NRG3: variants seen among roughly 807,000 people sequenced by gnomAD.
NRG3 encodes neuregulin 3.
NRG3 carries 31 observed loss-of-function variants against 66.9 expected under a neutral mutation model. That is an observed-to-expected ratio of 0.46 (90% confidence interval 0.35 to 0.63). The LOEUF (loss-of-function observed/expected upper bound fraction) is 0.63. Ranked by LOEUF, NRG3 falls within the 20% of genes least tolerant of loss-of-function variation. NRG3 has a pLI of 0.00. For missense variants in NRG3, 910 were observed against 878.9 expected (o/e 1.04, Z -0.45); for synonymous variants, 393 against 359.4 (o/e 1.09, Z -1.06).
At chr10:82,927,028 A>T (rs1847071550) in intron 4 of NRG3, among the ~76,000 whole-genome samples, 2 of 152,106 alleles carry the variant, frequency 1.3e-5, no homozygotes, top group South Asian at 4.1e-4. Context: ...CAGCACCATC[A>T]CTACTTGAGC....
intron 1 of NRG3, among the ~76,000 whole-genome samples, chr10:82,196,407 A>G (rs2074451000): frequency 6.6e-6 from 1 of 152,124 alleles, no homozygotes; most frequent in Non-Finnish European, 1.5e-5. Flanking sequence ...GATGATTCTA[A>G]TACTCTTTTG....
chr10:82,291,233 G>A (rs905580767), intron 1 of NRG3, among the ~76,000 whole-genome samples: 1 of 151,982 alleles, frequency 6.6e-6, no homozygotes, highest in African/African-American at 2.4e-5. Context: ...AATTAAAAAT[G>A]CAATAGTATT....
chr10:82,378,279 G>A (rs185970006), intron 2 of NRG3, among the ~76,000 whole-genome samples: 42 of 152,282 alleles, frequency 2.8e-4, no homozygotes, highest in Non-Finnish European at 5.4e-4. Flanking sequence ...AGTGAAATAC[G>A]TCTGTGGGAG....
At position 82,985,355 on chromosome 10, in the gene NRG3, T is replaced by G; in HGVS notation, c.1841T>G (p.Ile614Ser). ...SYSADVVNVS[I>S]PVSDCLIAEQ... ...TCAGCTGACGTTGTCAATGTGAGTA[T>G]TCCAGTCAGCGATTGTCTTATAGCA... Residue 614 changes from isoleucine (I) to serine (S), a missense_variant, in exon 9 of 9, where the codon ATT (isoleucine) becomes AGT (serine). Ile to Ser is a moderately radical substitution (Grantham distance 142). Coordinates refer to ENST00000372141, the MANE Select transcript of NRG3 (RefSeq NM_001010848.4). 6.2e-7 allele frequency: 1 copy of G among 1,614,150 alleles called. No individual in the cohort carries two copies. Among genetic ancestry groups the G allele is most frequent in the East Asian group, 2.2e-5 (1 of 44,870 alleles).
In NRG3 at chr10:82,976,116, T is replaced by A. The variant is rs140811678; in HGVS notation, c.1412+2201T>A. Among the ~76,000 whole-genome samples the A allele has an allele frequency of 3.8e-3, 582 of 152,156 alleles. 5 individuals carry two copies. Among genetic ancestry groups the A allele is most frequent in the African/African-American group, 0.014 (562 of 41,514 alleles). On this transcript the variant is annotated intron_variant, in intron 7 of 8. Transcript: ENST00000372141. ...TGTCACCCAGGCTGGAGTGCAGTGG[T>A]GTGATCTTGGCTCACTGCAACCTCC... is the stretch of plus-strand genomic sequence containing the variant.
At chr10:82,597,875 C>T (rs1480131068) in intron 2 of NRG3, among the ~76,000 whole-genome samples, 1 of 150,222 alleles carries the variant, frequency 6.7e-6, no homozygotes, top group Non-Finnish European at 1.5e-5. Flanking sequence ...GAGCCGAGAT[C>T]GCGCCATTGC....
chr10:82,303,402 A>G (rs1032351312), intron 1 of NRG3, among the ~76,000 whole-genome samples: 3 of 151,910 alleles, frequency 2.0e-5, no homozygotes, highest in East Asian at 1.9e-4. Context: ...ATCCTCTCCA[A>G]TTCATCTGAG....
At chr10:82,274,493 A>C (rs961808691) in intron 1 of NRG3, among the ~76,000 whole-genome samples, 17 of 152,056 alleles carry the variant, frequency 1.1e-4, no homozygotes, top group Non-Finnish European at 5.9e-5. Context: ...AAATGAATGA[A>C]AATTGCTATA....
At chr10:82,592,322 G>T (rs957148913) in intron 2 of NRG3, among the ~76,000 whole-genome samples, 1 of 152,104 alleles carries the variant, frequency 6.6e-6, no homozygotes, top group African/African-American at 2.4e-5. Flanking sequence ...AGTCCAATCG[G>T]CTAAAAGAAG....
intron 3 of NRG3, among the ~76,000 whole-genome samples, chr10:82,828,231 A>G (rs544711755): frequency 6.6e-6 from 1 of 152,198 alleles, no homozygotes; most frequent in Non-Finnish European, 1.5e-5. Flanking sequence ...TTATAAAAAA[A>G]ACTTCTGCTA....
intron 2 of NRG3, among the ~76,000 whole-genome samples, chr10:82,397,263 T>C (rs995427240): frequency 6.6e-6 from 1 of 152,218 alleles, no homozygotes; most frequent in Non-Finnish European, 1.5e-5. Context: ...TAATATTGTA[T>C]AATCTGGTTT....
At chr10:82,867,517 G>T (rs925008692) in intron 4 of NRG3, among the ~76,000 whole-genome samples, 1 of 152,144 alleles carries the variant, frequency 6.6e-6, no homozygotes, top group African/African-American at 2.4e-5. Context: ...AAAGGAACAG[G>T]ATTTTTCATA....
At chr10:82,166,551 C>T (rs574817472) in intron 1 of NRG3, among the ~76,000 whole-genome samples, 1 of 151,470 alleles carries the variant, frequency 6.6e-6, no homozygotes, top group Non-Finnish European at 1.5e-5. Flanking sequence ...TCACTTTTGC[C>T]CATATTATAA....
intron 1 of NRG3, among the ~76,000 whole-genome samples, chr10:82,011,172 T>C (rs12783130): frequency 0.18 from 27,080 of 152,080 alleles, 2,595 homozygotes; most frequent in Middle Eastern, 0.22. Flanking sequence ...TCCACATAGC[T>C]GGGGAGGCCT....
At chr10:82,957,630 A>G (rs2132426288) in intron 5 of NRG3, among the ~76,000 whole-genome samples, 2 of 152,004 alleles carry the variant, frequency 1.3e-5, no homozygotes, top group East Asian at 1.9e-4. Context: ...TTGCAGCCTT[A>G]CATGCACGAA....
chr10:82,957,252 C>T (rs1439128571), intron 5 of NRG3, among the ~76,000 whole-genome samples: 1 of 151,838 alleles, frequency 6.6e-6, no homozygotes, highest in African/African-American at 2.4e-5. Flanking sequence ...GAAATGGAGG[C>T]TCAACAAGTT....
chr10:82,042,972 A>C (rs1226940891), intron 1 of NRG3, among the ~76,000 whole-genome samples: 1 of 152,030 alleles, frequency 6.6e-6, no homozygotes, highest in Non-Finnish European at 1.5e-5. Context: ...AGAGGACATG[A>C]AATTTTGGCA....
At chr10:82,039,735 C>T (rs2062947831) in intron 1 of NRG3, among the ~76,000 whole-genome samples, 1 of 151,998 alleles carries the variant, frequency 6.6e-6, no homozygotes, top group Non-Finnish European at 1.5e-5. Context: ...GTTCTTGATC[C>T]CAGGAGTGAT....
chr10:81,904,495 A>G (rs565993080), intron 1 of NRG3, among the ~76,000 whole-genome samples: 5 of 152,158 alleles, frequency 3.3e-5, no homozygotes, highest in South Asian at 2.1e-4. Flanking sequence ...CTTAGACTTT[A>G]CCTTTTGATT....
Sources: allele counts gnomAD v4.1 joint callset (sites outside exome capture counted in the v4.1 genomes callset), GRCh38; gene constraint gnomAD v4.1.1; transcripts MANE v1.5; gene names NCBI Gene and HGNC (gene_info 2026-07-23, HGNC 2026-07-21).